SCHIP1: variants seen among roughly 807,000 people sequenced by gnomAD.
The protein encoded by SCHIP1 is schwannomin interacting protein 1, also known as schwannomin-interacting protein 1.
A neutral mutation model predicts 29.7 loss-of-function variants in SCHIP1; 8 were observed. That is an observed-to-expected ratio of 0.27 (90% CI 0.16 to 0.49). SCHIP1 has a LOEUF of 0.49. Ranked by LOEUF, SCHIP1 falls within the 20% of genes least tolerant of loss-of-function variation. The pLI is 0.99. For missense variants in SCHIP1, 193 were observed against 294.6 expected (o/e 0.66, Z 2.52); for synonymous variants, 76 against 94.9 (o/e 0.80, Z 1.16).
the SCHIP1 span, among the ~76,000 whole-genome samples, chr3:159,692,698 C>T: frequency 7.2e-5 from 11 of 152,254 alleles, no homozygotes; most frequent in Non-Finnish European, 1.3e-4. Flanking sequence ...AAGAGTCTGA[C>T]GGTTCTCACT....
the SCHIP1 span, among the ~76,000 whole-genome samples, chr3:159,491,647 C>A: frequency 6.6e-6 from 1 of 152,262 alleles, no homozygotes; most frequent in Non-Finnish European, 1.5e-5. Context: ...CTCAAGGAGG[C>A]CTGCCTGCCT....
chr3:159,304,794 T>C, the SCHIP1 span, among the ~76,000 whole-genome samples: 7 of 152,182 alleles, frequency 4.6e-5, no homozygotes, highest in African/African-American at 1.4e-4. Context: ...TCCTCAATTC[T>C]CATTATTTAG....
At chr3:159,329,491 C>T in the SCHIP1 span, among the ~76,000 whole-genome samples, 1 of 152,174 alleles carries the variant, frequency 6.6e-6, no homozygotes, top group Non-Finnish European at 1.5e-5. Flanking sequence ...TCCTCTCCAA[C>T]AGGCTGCCCT....
the SCHIP1 span, among the ~76,000 whole-genome samples, chr3:159,790,406 T>G: frequency 2.6e-5 from 4 of 152,248 alleles, no homozygotes; most frequent in Non-Finnish European, 5.9e-5. Context: ...AAAGACTATT[T>G]CCAGCTGGGT....
chr3:159,857,702 C>T (rs1713549151), intron 1 of SCHIP1, among the ~76,000 whole-genome samples: 1 of 152,222 alleles, frequency 6.6e-6, no homozygotes. Flanking sequence ...CCATTCTTCT[C>T]ACTACCTTCC....
chr3:159,866,408 T>A (rs1182087213), intron 2 of SCHIP1, 127 bp downstream of exon 3: 1 of 839,254 alleles, frequency 1.2e-6, no homozygotes, highest in Non-Finnish European at 1.9e-6. Context: ...TACTGCCATC[T>A]TTATTTGGGT....
At chr3:159,415,527 T>A in the SCHIP1 span, among the ~76,000 whole-genome samples, 1 of 152,136 alleles carries the variant, frequency 6.6e-6, no homozygotes, top group African/African-American at 2.4e-5. Context: ...TGAATTCCCT[T>A]CTATAAGTGA....
At chr3:159,871,943 C>G (rs1327520045) in intron 2 of SCHIP1, among the ~76,000 whole-genome samples, 1 of 152,154 alleles carries the variant, frequency 6.6e-6, no homozygotes, top group Non-Finnish European at 1.5e-5. Context: ...TCCTACTTCA[C>G]TCCCCTACTT....
the SCHIP1 span, among the ~76,000 whole-genome samples, chr3:159,670,908 C>A: frequency 1.3e-5 from 2 of 151,800 alleles, no homozygotes; most frequent in Non-Finnish European, 2.9e-5. Context: ...TGTAAGTAAT[C>A]GGGACCAGTT....
At chr3:159,341,595 C>T in the SCHIP1 span, among the ~76,000 whole-genome samples, 1 of 152,188 alleles carries the variant, frequency 6.6e-6, no homozygotes, top group Admixed American at 6.6e-5. Context: ...TTTCTACCCC[C>T]ATCTGTGGGA....
chr3:159,794,380 A>G, the SCHIP1 span, among the ~76,000 whole-genome samples: 4 of 152,216 alleles, frequency 2.6e-5, no homozygotes, highest in African/African-American at 9.6e-5. Context: ...TTGTTTCAGA[A>G]GTGGATTGCA....
the SCHIP1 span, among the ~76,000 whole-genome samples, chr3:159,738,843 G>A: frequency 6.6e-6 from 1 of 152,180 alleles, no homozygotes; most frequent in East Asian, 1.9e-4. Context: ...AGGTGGTCAG[G>A]GAAGGCCTGA....
At chr3:159,684,283 G>A in the SCHIP1 span, among the ~76,000 whole-genome samples, 1 of 152,128 alleles carries the variant, frequency 6.6e-6, no homozygotes, top group African/African-American at 2.4e-5. Context: ...CCTGCCTTCT[G>A]TTCACTCTGC....
At chr3:159,729,522 C>T in the SCHIP1 span, among the ~76,000 whole-genome samples, 1 of 152,092 alleles carries the variant, frequency 6.6e-6, no homozygotes, top group East Asian at 1.9e-4. Context: ...TTATTAAATG[C>T]AATAATCAAT....
At chr3:159,829,792 G>T in the SCHIP1 span, among the ~76,000 whole-genome samples, 1 of 152,200 alleles carries the variant, frequency 6.6e-6, no homozygotes, top group Non-Finnish European at 1.5e-5. Flanking sequence ...TGCCAGGTTA[G>T]GATCAGGCAC....
At chr3:159,570,829 G>T in the SCHIP1 span, among the ~76,000 whole-genome samples, 1 of 152,092 alleles carries the variant, frequency 6.6e-6, no homozygotes, top group African/African-American at 2.4e-5. Context: ...GTTGAGCAGT[G>T]GTTTCTAGTT....
the SCHIP1 span, among the ~76,000 whole-genome samples, chr3:159,502,394 G>A: frequency 2.6e-5 from 4 of 152,128 alleles, no homozygotes; most frequent in South Asian, 8.3e-4. Context: ...ATGCAGAGAA[G>A]GACAACCTTT....
chr3:159,515,815 T>C, the SCHIP1 span, among the ~76,000 whole-genome samples: 32 of 152,162 alleles, frequency 2.1e-4, no homozygotes, highest in African/African-American at 7.7e-4. Flanking sequence ...ACATACTGTG[T>C]AGCAGGCACA....
At chr3:159,332,069 GTGGCTT>G in the SCHIP1 span, among the ~76,000 whole-genome samples, 4 of 152,096 alleles carry the variant, frequency 2.6e-5, no homozygotes, top group Non-Finnish European at 5.9e-5. Flanking sequence ...TGCCCCAAAT[GTGGCTT>G]TGCTTGCTCA....
Sources: gnomAD v4.1 joint callset for allele counts (sites outside exome capture counted in the v4.1 genomes callset) on GRCh38, gnomAD v4.1.1 for gene constraint, MANE v1.5 for transcripts, NCBI Gene and HGNC (gene_info 2026-07-23, HGNC 2026-07-21) for gene names.